PTPRD: variants seen among roughly 807,000 people sequenced by gnomAD.
PTPRD encodes receptor-type tyrosine-protein phosphatase delta.
A neutral mutation model predicts 214.5 loss-of-function variants in PTPRD; 34 were observed. The ratio of observed to expected loss-of-function variants is 0.16; its 90% confidence interval spans 0.12 to 0.21. The LOEUF (loss-of-function observed/expected upper bound fraction) is 0.21. Among genes scored for constraint, PTPRD ranks in the 10% least tolerant of loss-of-function variants. The pLI, the probability that PTPRD is intolerant of heterozygous loss-of-function variation, is 1.00. For synonymous variants in PTPRD, 1,128 were observed against 845.7 expected, an observed-to-expected ratio of 1.33 and a Z score of -5.79; for missense variants, 2,545 against 2,398.7, an observed-to-expected ratio of 1.06 and a Z score of -1.27.
At chr9:9,792,051 A>G (rs1468427097) in intron 5 of PTPRD, among the ~76,000 whole-genome samples, 1 of 152,152 alleles carries the variant, frequency 6.6e-6, no homozygotes, top group Non-Finnish European at 1.5e-5. Flanking sequence ...TTATAATCGA[A>G]TGGGACTCCA....
At chr9:9,465,903 C>T (rs1005440011) in intron 8 of PTPRD, among the ~76,000 whole-genome samples, 1 of 151,982 alleles carries the variant, frequency 6.6e-6, no homozygotes, top group African/African-American at 2.4e-5. Context: ...CCCAATCGGC[C>T]ACAACCATTG....
chr9:8,629,905 G>C (rs1333435106), intron 14 of PTPRD, among the ~76,000 whole-genome samples: 5 of 151,732 alleles, frequency 3.3e-5, no homozygotes, highest in African/African-American at 1.2e-4. Flanking sequence ...TTGAAACACA[G>C]TTTTTGAGAG....
chr9:9,404,681 T>C lies in PTPRD; in HGVS notation c.-236-7199A>G, dbSNP rs1161392195. ...AAGTAGGAAGTTGGATGCGGAAACC[T>C]ATAGTTCAGTGGAGAGTCTAGGACT... On this transcript the variant is annotated intron_variant, in intron 8 of 45. Transcript: ENST00000381196. Among the ~76,000 whole-genome samples, 7 of 152,168 alleles carry C rather than the reference T, an allele frequency of 4.6e-5. No individual in the cohort carries two copies. In the East Asian group the frequency reaches 1.4e-3, roughly 30 times the overall value.
chr9:10,589,954 TC>T (rs1308743365), intron 2 of PTPRD, among the ~76,000 whole-genome samples: 1 of 152,064 alleles, frequency 6.6e-6, no homozygotes, highest in Non-Finnish European at 1.5e-5. Flanking sequence ...TTAATATGAC[TC>T]CATTTGTAGC....
At chr9:8,822,025 G>T (rs900354640) in intron 11 of PTPRD, among the ~76,000 whole-genome samples, 1 of 152,160 alleles carries the variant, frequency 6.6e-6, no homozygotes, top group African/African-American at 2.4e-5. Context: ...ACAGTTACAG[G>T]ATTTGTTGCC....
intron 5 of PTPRD, among the ~76,000 whole-genome samples, chr9:9,925,808 A>G (rs1457751518): frequency 6.6e-6 from 1 of 151,924 alleles, no homozygotes; most frequent in Admixed American, 6.6e-5. Context: ...AGAATCTCAA[A>G]TCTATATACT....
chr9:9,542,782 T>C (rs960682347), intron 8 of PTPRD, among the ~76,000 whole-genome samples: 15 of 151,818 alleles, frequency 9.9e-5, no homozygotes, highest in African/African-American at 3.6e-4. Context: ...TTTACTAAAA[T>C]GCTTAAAATC....
intron 37 of PTPRD, among the ~76,000 whole-genome samples, chr9:8,386,267 A>C (rs896256317): frequency 4.6e-5 from 7 of 152,316 alleles, no homozygotes; most frequent in Admixed American, 1.3e-4. Flanking sequence ...GAACTGTCCC[A>C]TAGCTGTCCT....
At chr9:8,495,464 C>T (rs980890633) in intron 26 of PTPRD, among the ~76,000 whole-genome samples, 1 of 152,140 alleles carries the variant, frequency 6.6e-6, no homozygotes, top group African/African-American at 2.4e-5. Context: ...TCCTATCTGC[C>T]ACCTTTTTAC....
intron 44 of PTPRD, among the ~76,000 whole-genome samples, chr9:8,322,753 T>C (rs1829694654): frequency 1.3e-5 from 2 of 152,178 alleles, no homozygotes; most frequent in African/African-American, 2.4e-5. Context: ...AGATCTTCAA[T>C]GTAGACAAAC....
intron 9 of PTPRD, among the ~76,000 whole-genome samples, chr9:9,202,656 G>A (rs1164237727): frequency 6.6e-6 from 1 of 152,084 alleles, no homozygotes; most frequent in Non-Finnish European, 1.5e-5. Context: ...TTGCAGTTGT[G>A]AATTAGCAGT....
At chr9:8,411,191 T>C (rs1305398303) in intron 35 of PTPRD, among the ~76,000 whole-genome samples, 3 of 152,120 alleles carry the variant, frequency 2.0e-5, no homozygotes, top group Non-Finnish European at 2.9e-5. Flanking sequence ...AAGATTATTT[T>C]TGAGAGATCG....
At chr9:8,422,134 G>C (rs1360766538) in intron 35 of PTPRD, among the ~76,000 whole-genome samples, 1 of 91,486 alleles carries the variant, frequency 1.1e-5, no homozygotes, top group East Asian at 3.6e-4. Context: ...GTGAAAGAGA[G>C]AGACCCTGTC....
At chr9:9,048,471 C>T (rs2099677915) in intron 10 of PTPRD, among the ~76,000 whole-genome samples, 1 of 152,100 alleles carries the variant, frequency 6.6e-6, no homozygotes, top group Non-Finnish European at 1.5e-5. Flanking sequence ...ACTATTCAGC[C>T]ATAAAAACAA....
At chr9:9,459,045 G>C (rs1490255928) in intron 8 of PTPRD, among the ~76,000 whole-genome samples, 2 of 152,050 alleles carry the variant, frequency 1.3e-5, no homozygotes, top group Admixed American at 1.3e-4. Context: ...ACCTATCAGA[G>C]AGCCCACGTG....
intron 2 of PTPRD, among the ~76,000 whole-genome samples, chr9:10,427,272 C>T (rs1050210199): frequency 6.6e-6 from 1 of 152,046 alleles, no homozygotes; most frequent in East Asian, 1.9e-4. Context: ...GTCTAGATAT[C>T]TTCCAAACAA....
intron 12 of PTPRD, among the ~76,000 whole-genome samples, chr9:8,664,931 T>C (rs1596385977): frequency 2.0e-5 from 3 of 152,316 alleles, no homozygotes; most frequent in Admixed American, 6.5e-5. Flanking sequence ...CCTAATTCAA[T>C]TGGCACAGTC....
At chr9:9,404,744 G>A (rs910797961) in intron 8 of PTPRD, among the ~76,000 whole-genome samples, 10 of 152,078 alleles carry the variant, frequency 6.6e-5, no homozygotes, top group African/African-American at 2.4e-4. Context: ...CAGAGAACAT[G>A]TATGAAGTCA....
At chr9:8,827,499 C>A in intron 11 of PTPRD, among the ~76,000 whole-genome samples, 1 of 152,034 alleles carries the variant, frequency 6.6e-6, no homozygotes, top group African/African-American at 2.4e-5. Flanking sequence ...TTCAGCTACT[C>A]AGGAGGCTGA....
Sources: gnomAD v4.1 joint callset for allele counts (sites outside exome capture counted in the v4.1 genomes callset) on GRCh38, gnomAD v4.1.1 for gene constraint, MANE v1.5 for transcripts, NCBI Gene and HGNC (gene_info 2026-07-23, HGNC 2026-07-21) for gene names.